The following PITPNM1 variants were observed in gnomAD, a reference collection of about 807,000 sequenced individuals.
PITPNM1 encodes the protein phosphatidylinositol transfer protein membrane associated 1.
In PITPNM1, 74 loss-of-function variants were observed where a neutral mutation model predicts 133.3. The observed-to-expected ratio is 0.56, with a 90% CI of 0.46 to 0.67. PITPNM1 has a LOEUF of 0.67. Ranked by LOEUF, PITPNM1 falls within the 30% of genes least tolerant of loss-of-function variation. The pLI, the probability that PITPNM1 is intolerant of heterozygous loss-of-function variation, is 0.00. For missense variants in PITPNM1, 1,398 were observed against 1,739.5 expected (o/e 0.80, Z 3.49); for synonymous variants, 738 against 741.4 (o/e 1.00, Z 0.08).
chr11:67,500,834 G>A (rs1487386132), intron 5 of PITPNM1, among the ~76,000 whole-genome samples: 3 of 152,214 alleles, frequency 2.0e-5, no homozygotes, highest in Non-Finnish European at 4.4e-5. Context: ...ACTCAATGAA[G>A]GTTGTAGCGA....
chr11:67,495,399 C>A, intron 16 of PITPNM1, 39 bp downstream of exon 16: 1 of 1,464,974 alleles, frequency 6.8e-7, no homozygotes, highest in East Asian at 2.5e-5. Context: ...ACGGGCCTCC[C>A]CCACCCCCAG....
In PITPNM1 at chr11:67,491,917, G is replaced by T; in HGVS notation, c.*116C>A. 1 of 1,154,906 alleles carries T rather than the reference G, an allele frequency of 8.7e-7. No individual in the cohort carries two copies. Among genetic ancestry groups the T allele is most frequent in the South Asian group, 1.5e-5 (1 of 67,920 alleles). The allele number at this position is 1,154,906 out of a possible 1,614,324, so 71.5% of individuals were successfully genotyped here. A position where few individuals can be genotyped will look rare whatever the true frequency, so the allele number is the denominator to read the frequency against. On this transcript the variant is annotated 3_prime_UTR_variant, in exon 24 of 24. Coordinates refer to ENST00000356404, the MANE Select transcript of PITPNM1 (RefSeq NM_004910.3). ...AGGAGCACACGGAGATATAGGGTGT[G>T]GGGCTGGGGGGGCCAGCGCTGGGGC...
At chr11:67,503,463 A>G (rs978224179) in intron 2 of PITPNM1, among the ~76,000 whole-genome samples, 12 of 151,902 alleles carry the variant, frequency 7.9e-5, no homozygotes, top group Non-Finnish European at 1.2e-4. Flanking sequence ...CACCCCTCAG[A>G]GCTTGAGAGC....
rs1285853327 is a variant in PITPNM1 at position 67,499,991 on chromosome 11, C to T, written c.986G>A (p.Ser329Asn). The T allele has an allele frequency of 4.3e-6, 7 of 1,612,540 alleles. No homozygotes were observed. The African/African-American group carries it at 5.3e-5, about 12-fold the overall frequency. Reference protein sequence around the residue: ...SQHGGAVSPQSLSEWRMQNIA... With the variant: ...SQHGGAVSPQNLSEWRMQNIA... The stretch of plus-strand genomic sequence containing the variant: ...GTTCTGCATGCGCCACTCAGACAAG[C>T]TCTGGGGAGACACAGCCCCTGCCGG... Residue 329 changes from serine (S) to asparagine (N), a missense_variant, in exon 7 of 24, where the codon AGC (serine) becomes AAC (asparagine). Around this residue, in one of 5 missense-constraint regions of PITPNM1, gnomAD observed 195 missense variants for 178.8 expected, o/e 1.09. Coordinates refer to ENST00000356404, the MANE Select transcript of PITPNM1 (RefSeq NM_004910.3).
At position 67,494,191 on chromosome 11, in the gene PITPNM1, G is replaced by A. The variant is rs927290255; in HGVS notation, c.2859+53C>T. On this transcript the variant is annotated intron_variant, in intron 19 of 23. Transcript: ENST00000356404. ...ACCACCAGGGACCAGGAGCTGTTCC[G>A]AGGACAGGAGATGGGGCCATGGGAC... The A allele has an allele frequency of 3.0e-5, 48 of 1,583,834 alleles. No homozygotes were observed. The Admixed American group carries it at 7.0e-4, about 23-fold the overall frequency.
At chr11:67,492,529 G>GT (rs965958240) in intron 23 of PITPNM1, among the ~76,000 whole-genome samples, 1 of 152,248 alleles carries the variant, frequency 6.6e-6, no homozygotes, top group African/African-American at 2.4e-5. Context: ...GGAAAATGGG[G>GT]TCTTAGAGGA....
intron 5 of PITPNM1, among the ~76,000 whole-genome samples, 186 bp downstream of exon 5, chr11:67,501,676 A>G (rs1866324853): frequency 6.6e-6 from 1 of 152,172 alleles, no homozygotes; most frequent in Admixed American, 6.5e-5. Flanking sequence ...AGATCATGTT[A>G]CCAGCTTCCT....
At chr11:67,494,505 G>T in intron 18 of PITPNM1, 145 bp from the exon 19 acceptor site, 1 of 644,008 alleles carries the variant, frequency 1.6e-6, no homozygotes, top group South Asian at 1.9e-5. Flanking sequence ...AGCCCGGGGG[G>T]CGCACTTTTG....
chr11:67,504,079 G>C lies in PITPNM1; in HGVS notation c.78+24C>G. 6.4e-7 allele frequency: 1 copy of C among 1,567,928 alleles called. No individual in the cohort carries two copies. The highest frequency in any genetic ancestry group is 1.7e-4 in the Middle Eastern group (1 of 5,944). ...CGGCAGGGCTCCACCCCTTGCCCGGGTGCCCTCTCCCCGCCGCCCTCACCT... is the reference window on the plus strand; with the variant it reads ...CGGCAGGGCTCCACCCCTTGCCCGGCTGCCCTCTCCCCGCCGCCCTCACCT... On this transcript the variant is annotated intron_variant, in intron 2 of 23. Transcript: ENST00000356404. The surrounding 1 kb of genome is among the most constrained non-coding windows in gnomAD (Gnocchi z 5.4).
At position 67,502,567 on chromosome 11, in the gene PITPNM1, A is replaced by G. The variant is rs1025189735; in HGVS notation, c.230T>C (p.Leu77Pro). Residue 77 changes from leucine (L) to proline (P), a missense_variant, in exon 3 of 24, where the codon CTG (leucine) becomes CCG (proline). Leu to Pro is a moderately conservative substitution (Grantham distance 98). Transcript: ENST00000356404. The surrounding 1 kb of genome is among the most constrained non-coding windows in gnomAD (Gnocchi z 5.9). The stretch of plus-strand genomic sequence containing the variant: ...TTCTACCTGCAGGGCAGCCTTGGGC[A>G]GCAGTGCCCGGAACCAGCCTGGGAT... Reference protein sequence around the residue: ...SHIPGWFRALLPKAALQVEEE... With the variant: ...SHIPGWFRALPPKAALQVEEE... 2 of 1,613,700 alleles carry G rather than the reference A, an allele frequency of 1.2e-6. No individual in the cohort carries two copies. The highest frequency in any genetic ancestry group is 1.7e-6 in the Non-Finnish European group (2 of 1,179,998).
At chr11:67,503,612 C>A (rs113233693) in intron 2 of PITPNM1, among the ~76,000 whole-genome samples, 10 of 152,278 alleles carry the variant, frequency 6.6e-5, no homozygotes, top group African/African-American at 2.4e-4. Flanking sequence ...CCAGGCCCCG[C>A]ACCAACCCGG....
chr11:67,500,400 C>A lies in PITPNM1; in HGVS notation c.662G>T (p.Arg221Leu), dbSNP rs201076041. Residue 221 changes from arginine (R) to leucine (L), a missense_variant, in exon 6 of 24, where the codon CGG becomes CTG. By Grantham distance (102) the Arg-to-Leu change is moderately radical. Transcript: ENST00000356404. ...CCAGCACCAGGCCTGGCGGTGGGCC[C>A]GCAGCATCACCCGACGCAGACCTGC... Reference protein sequence around the residue: ...HDVGLRRVMLRAHRQAWCWQD... With the variant: ...HDVGLRRVMLLAHRQAWCWQD... 1 of 1,610,540 alleles carries A rather than the reference C, an allele frequency of 6.2e-7. No homozygotes were observed. The highest frequency in any genetic ancestry group is 1.3e-5 in the African/African-American group (1 of 74,942).
In PITPNM1 at chr11:67,500,326, C is replaced by G. The variant is rs746715805; in HGVS notation, c.736G>C (p.Glu246Gln). ...TGGGCCAGCATGCGAGCAGTCTCCT[C>G]TTCCAGTGCCCGGATGTCAGCCATG... is the stretch of plus-strand genomic sequence containing the variant. ...LSMADIRALE[E>Q]ETARMLAQRM... Residue 246 changes from glutamate (E) to glutamine (Q), a missense_variant, in exon 6 of 24, where the codon GAG (glutamate) becomes CAG (glutamine). Physicochemically the swap from Glu to Gln is conservative, Grantham distance 29. Around this residue, in one of 5 missense-constraint regions of PITPNM1, gnomAD observed 274 missense variants for 360.7 expected, o/e 0.76. Transcript: ENST00000356404. 3.7e-6 allele frequency: 6 copies of G among 1,612,142 alleles called. No individual in the cohort carries two copies. The South Asian group carries it at 6.6e-5, about 18-fold the overall frequency.
In PITPNM1 at chr11:67,494,949, T is replaced by C. The variant is rs1866066414; in HGVS notation, c.2639A>G (p.Glu880Gly). 1.2e-6 allele frequency: 2 copies of C among 1,612,500 alleles called. No individual in the cohort carries two copies. The highest frequency in any genetic ancestry group is 1.7e-6 in the Non-Finnish European group (2 of 1,179,698). Residue 880 changes from glutamate (E) to glycine (G), a missense_variant, in exon 18 of 24, where the codon GAG becomes GGG. By Grantham distance (98) the Glu-to-Gly change is moderately conservative. Coordinates refer to ENST00000356404, the MANE Select transcript of PITPNM1 (RefSeq NM_004910.3). ...TTCCGCCAGCTGTGGCCGCTCCTTCTCGATCACCTGCACGGGACAGGGGGC... is the reference window on the plus strand; with the variant it reads ...TTCCGCCAGCTGTGGCCGCTCCTTCCCGATCACCTGCACGGGACAGGGGGC... ...VVAFILRQVI[E>G]KERPQLAECE... is the part of the protein sequence containing the mutation.
At chr11:67,495,665 G>C (rs1866096888) in intron 15 of PITPNM1, 63 bp from the exon 16 acceptor site, 1 of 1,439,906 alleles carries the variant, frequency 6.9e-7, no homozygotes, top group Non-Finnish European at 9.2e-7. Flanking sequence ...TTCTCACCCA[G>C]GGCTCCCCGC....
chr11:67,500,499 T>G, intron 5 of PITPNM1, 78 bp from the exon 6 acceptor site: 1 of 1,436,730 alleles, frequency 7.0e-7, no homozygotes, highest in Non-Finnish European at 9.5e-7. Context: ...GCCTTGAGGT[T>G]GGATAATGGC....
intron 22 of PITPNM1, 72 bp from the exon 23 acceptor site, chr11:67,493,134 T>A (rs1865989369): frequency 1.3e-6 from 2 of 1,575,888 alleles, no homozygotes; most frequent in South Asian, 1.1e-5. Context: ...CTGTTGGGCT[T>A]CCCCAGATTG....
Position 67,502,007 on chromosome 11 carries a change from G to T in PITPNM1, c.495C>A (p.Val165=). ...AEEDPRLYHS[V]KTGRGPLSDD... The stretch of plus-strand genomic sequence containing the variant: ...CAGACAGTGGCCCTCGGCCCGTCTT[G>T]ACCGAGTGATAAAGCCGGGGGTCCT... Residue 165 remains valine (V), a synonymous_variant, in exon 5 of 24, where the codon GTC becomes GTA. Coordinates refer to ENST00000356404, the MANE Select transcript of PITPNM1 (RefSeq NM_004910.3). This position sits in a 1 kb window ranked among gnomAD's most constrained non-coding sequence, Gnocchi z 5.9. The T allele has an allele frequency of 6.2e-7, 1 of 1,613,470 alleles. No individual in the cohort carries two copies. Among genetic ancestry groups the T allele is most frequent in the South Asian group, 1.1e-5 (1 of 91,078 alleles).
In PITPNM1 at chr11:67,502,169, TC is replaced by T. The variant is rs1363863769; in HGVS notation, c.416-84del. 5.8e-6 allele frequency: 9 copies of T among 1,553,408 alleles called. No individual in the cohort carries two copies. The highest frequency in any genetic ancestry group is 7.9e-6 in the Non-Finnish European group (9 of 1,141,254). On this transcript the variant is annotated intron_variant, in intron 4 of 23. Transcript: ENST00000356404. The surrounding 1 kb of genome is among the most constrained non-coding windows in gnomAD (Gnocchi z 5.9). ...CACCCTCTTGGGACTGGATGACAGT[TC>T]CCGTCCTTTTGCAGACAGGACATGA...
Sources: gnomAD v4.1 joint callset for allele counts (sites outside exome capture counted in the v4.1 genomes callset) on GRCh38, gnomAD v4.1.1 for gene constraint, gnomAD v4.1.1 regional missense constraint, Gnocchi (gnomAD v3.1) non-coding constraint, MANE v1.5 for transcripts, NCBI Gene and HGNC (gene_info 2026-07-23, HGNC 2026-07-21) for gene names.